The following SH3PXD2B variants were observed in gnomAD, a reference collection of about 807,000 sequenced individuals.
SH3PXD2B encodes SH3 and PX domain-containing protein 2B.
SH3PXD2B carries 37 observed loss-of-function variants against 73.1 expected under a neutral mutation model. The ratio of observed to expected loss-of-function variants is 0.51; its 90% CI spans 0.39 to 0.67. SH3PXD2B has a LOEUF of 0.67. SH3PXD2B is among the 30% of genes least tolerant of loss of function. SH3PXD2B has a pLI of 0.00. For synonymous variants in SH3PXD2B, 457 were observed against 480.5 expected, an observed-to-expected ratio of 0.95 and a Z score of 0.64; for missense variants, 1,053 against 1,197.8, an observed-to-expected ratio of 0.88 and a Z score of 1.78.
chr5:172,404,279 C>A (rs1035280025), intron 3 of SH3PXD2B, among the ~76,000 whole-genome samples: 1 of 151,884 alleles, frequency 6.6e-6, no homozygotes, highest in Non-Finnish European at 1.5e-5. Context: ...AATCTCTAGA[C>A]CTGTTCCCTT....
chr5:172,346,747 C>T (rs1013132411), intron 11 of SH3PXD2B, among the ~76,000 whole-genome samples: 32 of 151,984 alleles, frequency 2.1e-4, no homozygotes, highest in East Asian at 1.7e-3. Context: ...CTGCATGGCA[C>T]GCAACAGGTG....
At chr5:172,375,713 T>C (rs1436833922) in intron 5 of SH3PXD2B, among the ~76,000 whole-genome samples, 1 of 152,256 alleles carries the variant, frequency 6.6e-6, no homozygotes, top group Admixed American at 6.5e-5. Context: ...TAAGTAATAC[T>C]CCATTGTCTG....
At chr5:172,436,219 G>A (rs1372675131) in intron 1 of SH3PXD2B, among the ~76,000 whole-genome samples, 1 of 152,242 alleles carries the variant, frequency 6.6e-6, no homozygotes, top group African/African-American at 2.4e-5. Context: ...GGCCAGCAGT[G>A]AAACTGGCCT....
At chr5:172,368,917 G>A (rs1245286990) in intron 6 of SH3PXD2B, among the ~76,000 whole-genome samples, 7 of 138,722 alleles carry the variant, frequency 5.0e-5, no homozygotes, top group South Asian at 2.3e-4. Context: ...TTTTTGAGAC[G>A]GAGTTTTGCT....
chr5:172,372,642 G>A (rs1438825358), intron 6 of SH3PXD2B, among the ~76,000 whole-genome samples: 1 of 152,146 alleles, frequency 6.6e-6, no homozygotes, highest in African/African-American at 2.4e-5. Flanking sequence ...CAATGTGCCA[G>A]GCACTATTCT....
At chr5:172,345,834 G>A (rs1756985008) in intron 12 of SH3PXD2B, among the ~76,000 whole-genome samples, 2 of 152,204 alleles carry the variant, frequency 1.3e-5, no homozygotes, top group South Asian at 2.1e-4. Context: ...GACAGAAAGT[G>A]GATTGGTGGC....
intron 9 of SH3PXD2B, among the ~76,000 whole-genome samples, chr5:172,352,516 G>A (rs546619985): frequency 3.9e-5 from 6 of 152,278 alleles, no homozygotes; most frequent in African/African-American, 1.2e-4. Context: ...ATGAGCCACC[G>A]TGCCAGGCCC....
intron 6 of SH3PXD2B, among the ~76,000 whole-genome samples, chr5:172,366,785 A>G (rs945668462): frequency 6.6e-6 from 1 of 151,746 alleles, no homozygotes; most frequent in African/African-American, 2.4e-5. Flanking sequence ...GGCACATGCC[A>G]CCACACCTGG....
Position 172,339,942 on chromosome 5 carries a change from C to A in SH3PXD2B, c.1189-26G>T, listed in dbSNP as rs751917432. ...CTGCAAGGGAGGATAGAGAAAGGCA[C>A]TTGGCTACGATGCCAGGGCCAGCAG... is the stretch of plus-strand genomic sequence containing the variant. On this transcript the variant is annotated intron_variant, in intron 12 of 12. Transcript: ENST00000311601. The surrounding 1 kb of genome is among the most constrained non-coding windows in gnomAD (Gnocchi z 6.1). 6.2e-7 allele frequency: 1 copy of A among 1,613,936 alleles called. No individual in the cohort carries two copies.
At chr5:172,360,155 T>G (rs964242153) in intron 7 of SH3PXD2B, among the ~76,000 whole-genome samples, 1 of 152,052 alleles carries the variant, frequency 6.6e-6, no homozygotes, top group African/African-American at 2.4e-5. Flanking sequence ...GCATGGTGGG[T>G]CTACGATTTT....
At chr5:172,348,545 A>G (rs1757046362) in intron 10 of SH3PXD2B, among the ~76,000 whole-genome samples, 1 of 152,000 alleles carries the variant, frequency 6.6e-6, no homozygotes, top group Non-Finnish European at 1.5e-5. Flanking sequence ...ACATATCTAG[A>G]TCGTTTATTG....
intron 4 of SH3PXD2B, among the ~76,000 whole-genome samples, chr5:172,385,972 C>G (rs986070302): frequency 6.6e-5 from 10 of 152,228 alleles, no homozygotes; most frequent in Non-Finnish European, 1.5e-4. Flanking sequence ...CAAAGAACCA[C>G]AGCTCCAGCA....
intron 3 of SH3PXD2B, among the ~76,000 whole-genome samples, chr5:172,402,930 C>T (rs371579118): frequency 2.6e-5 from 4 of 152,284 alleles, no homozygotes; most frequent in South Asian, 4.1e-4. Context: ...TTGTCATTTA[C>T]CCACAGCAGA....
chr5:172,413,685 G>A (rs1758754056), intron 2 of SH3PXD2B, among the ~76,000 whole-genome samples: 1 of 152,206 alleles, frequency 6.6e-6, no homozygotes. Flanking sequence ...AGATAATCAT[G>A]CCTCTTTCTA....
At chr5:172,397,534 C>T (rs373027575) in intron 3 of SH3PXD2B, among the ~76,000 whole-genome samples, 1 of 152,216 alleles carries the variant, frequency 6.6e-6, no homozygotes, top group East Asian at 1.9e-4. Context: ...AACCTGCCGA[C>T]ATGTGATGTC....
At position 172,335,128 on chromosome 5, in the gene SH3PXD2B, G is replaced by C; in HGVS notation, c.*3241C>G. The C allele has an allele frequency of 1.0e-6, 1 of 987,034 alleles. No individual in the cohort carries two copies. The highest frequency in any genetic ancestry group is 1.2e-6 in the Non-Finnish European group (1 of 831,146). 61.1% of individuals were successfully genotyped at this position (987,034 alleles called of 1,614,324 possible). A position where few individuals can be genotyped will look rare whatever the true frequency, so the allele number is the denominator to read the frequency against. The stretch of plus-strand genomic sequence containing the variant: ...GCAAAGGCCTCTTTTATCAAGAGGT[G>C]GTCTTAGACTCAGGGTTTTCCAAAT... On this transcript the variant is annotated 3_prime_UTR_variant, in exon 13 of 13. Coordinates refer to ENST00000311601, the MANE Select transcript of SH3PXD2B (RefSeq NM_001017995.3).
intron 3 of SH3PXD2B, among the ~76,000 whole-genome samples, chr5:172,402,124 GA>G (rs1243221711): frequency 6.6e-6 from 1 of 152,198 alleles, no homozygotes; most frequent in Non-Finnish European, 1.5e-5. Context: ...CCCTGAGAAA[GA>G]GAATGCATTC....
intron 3 of SH3PXD2B, among the ~76,000 whole-genome samples, chr5:172,398,743 G>C (rs971426550): frequency 5.9e-5 from 9 of 152,258 alleles, no homozygotes; most frequent in African/African-American, 1.9e-4. Context: ...ACCTACTTTA[G>C]GTATTCCAAC....
chr5:172,343,467 T>G (rs1561893379), intron 12 of SH3PXD2B, among the ~76,000 whole-genome samples: 1 of 152,196 alleles, frequency 6.6e-6, no homozygotes, highest in Admixed American at 6.6e-5. Flanking sequence ...CGTTTTCATT[T>G]ACTAGAGGGA....
Sources: allele counts gnomAD v4.1 joint callset (sites outside exome capture counted in the v4.1 genomes callset), GRCh38; gene constraint gnomAD v4.1.1; non-coding constraint Gnocchi (gnomAD v3.1); transcripts MANE v1.5; gene names NCBI Gene and HGNC (gene_info 2026-07-23, HGNC 2026-07-21).